Variants in CERKL observed in about 807,000 individuals in gnomAD.
CERKL encodes the protein ceramide kinase-like protein.
CERKL carries 61 observed loss-of-function variants against 63.4 expected under a neutral mutation model. The ratio of observed to expected loss-of-function variants is 0.96; its 90% CI spans 0.78 to 1.19. CERKL has a LOEUF of 1.19. Among genes scored for constraint, CERKL ranks in the 50% most tolerant of loss-of-function variants. The pLI is 0.00. For synonymous variants in CERKL, 250 were observed against 230.5 expected, an observed-to-expected ratio of 1.08 and a Z score of -0.77; for missense variants, 675 against 655.5, an observed-to-expected ratio of 1.03 and a Z score of -0.33.
intron 1 of CERKL, among the ~76,000 whole-genome samples, chr2:181,623,295 T>G (rs1686536180): frequency 6.6e-6 from 1 of 152,162 alleles, no homozygotes; most frequent in South Asian, 2.1e-4. Flanking sequence ...TAACTTGAAG[T>G]TACAGGCCAA....
At chr2:181,596,005 A>G (rs901827365) in intron 2 of CERKL, among the ~76,000 whole-genome samples, 1 of 152,178 alleles carries the variant, frequency 6.6e-6, no homozygotes, top group Non-Finnish European at 1.5e-5. Context: ...ATGTTAACTT[A>G]TTTAACAGCA....
chr2:181,656,251 C>A (rs545594232), intron 1 of CERKL, among the ~76,000 whole-genome samples: 1 of 152,238 alleles, frequency 6.6e-6, no homozygotes, highest in South Asian at 2.1e-4. Context: ...CAGAAAAAAA[C>A]CCAGAAACAC....
At chr2:181,615,396 C>T (rs954745458) in intron 1 of CERKL, among the ~76,000 whole-genome samples, 9 of 152,230 alleles carry the variant, frequency 5.9e-5, no homozygotes, top group Admixed American at 3.9e-4. Flanking sequence ...CTGTAAGCCT[C>T]GGGCTTGTCT....
chr2:181,654,923 T>C (rs1688094762), intron 1 of CERKL, among the ~76,000 whole-genome samples: 1 of 152,160 alleles, frequency 6.6e-6, no homozygotes, highest in Non-Finnish European at 1.5e-5. Flanking sequence ...TAGCTGGGAT[T>C]ACAGGGACAC....
At chr2:181,639,404 T>C (rs530705472) in intron 1 of CERKL, among the ~76,000 whole-genome samples, 2 of 152,278 alleles carry the variant, frequency 1.3e-5, no homozygotes, top group Admixed American at 1.3e-4. Context: ...TTCCTACATT[T>C]GGGTATGTTT....
chr2:181,589,436 T>G (rs1002398119), intron 2 of CERKL, among the ~76,000 whole-genome samples: 1 of 152,240 alleles, frequency 6.6e-6, no homozygotes, highest in Non-Finnish European at 1.5e-5. Flanking sequence ...GTAATATTAT[T>G]GCCAGACCAA....
At chr2:181,562,782 T>C (rs769327) in intron 4 of CERKL, among the ~76,000 whole-genome samples, 2 of 151,832 alleles carry the variant, frequency 1.3e-5, no homozygotes, top group African/African-American at 2.4e-5. Context: ...CCATCATCTA[T>C]GAAATGTTCA....
intron 1 of CERKL, among the ~76,000 whole-genome samples, chr2:181,632,638 T>C (rs1211021540): frequency 6.6e-6 from 1 of 152,212 alleles, no homozygotes; most frequent in Non-Finnish European, 1.5e-5. Context: ...CAAACAAGTA[T>C]AGGCAGTAGT....
In CERKL at chr2:181,649,735, A is replaced by C. The variant is rs377200066; in HGVS notation, c.238+7034T>G. The C allele has an allele frequency of 5.9e-5, 9 of 152,298 alleles. No individual in the cohort carries two copies. In the South Asian group the frequency reaches 1.5e-3, roughly 25 times the overall value. The allele number at this position is 152,298 out of a possible 1,614,324, so 9.4% of individuals were successfully genotyped here. A position where few individuals can be genotyped will look rare whatever the true frequency, so the allele number is the denominator to read the frequency against. ...TATCTTTACTGACCACAGCGTTATA[A>C]TACTAGAAATCAGGCCAGGTGCAGT... On this transcript the variant is annotated intron_variant, in intron 1 of 12. Transcript: ENST00000410087.
intron 1 of CERKL, among the ~76,000 whole-genome samples, chr2:181,625,596 T>C (rs1166234868): frequency 6.6e-6 from 1 of 152,188 alleles, no homozygotes. Context: ...ACCATATAAA[T>C]AAACAAATAT....
chr2:181,598,296 T>A (rs1685305273), intron 2 of CERKL, among the ~76,000 whole-genome samples: 2 of 152,104 alleles, frequency 1.3e-5, no homozygotes, highest in Admixed American at 6.5e-5. Flanking sequence ...ACCATTTTGG[T>A]GGTTGCCTTC....
At chr2:181,570,769 T>A (rs940225678) in intron 3 of CERKL, among the ~76,000 whole-genome samples, 2 of 152,162 alleles carry the variant, frequency 1.3e-5, no homozygotes, top group African/African-American at 4.8e-5. Context: ...TATGAAAAAA[T>A]TACAGTACCT....
intron 2 of CERKL, among the ~76,000 whole-genome samples, chr2:181,597,699 G>C (rs1054251018): frequency 6.6e-6 from 1 of 152,302 alleles, no homozygotes; most frequent in Admixed American, 6.5e-5. Context: ...AAACTGAGAT[G>C]GTGGTCACCA....
Position 181,537,110 on chromosome 2 carries a change from CATTT to C in CERKL, c.*1070_*1073del, listed in dbSNP as rs1687163362. On this transcript the variant is annotated 3_prime_UTR_variant, in exon 13 of 13. Transcript: ENST00000410087. ...GTATACACAGGAATAAACTTTATGA[CATTT>C]ATGTATTTTTAAAAAACTTTGTATC... The C allele has an allele frequency of 2.2e-6, 1 of 452,658 alleles. No individual in the cohort carries two copies. Among genetic ancestry groups the C allele is most frequent in the Admixed American group, 2.4e-5 (1 of 42,230 alleles). 28.0% of individuals were successfully genotyped at this position (452,658 alleles called of 1,614,324 possible). A position where few individuals can be genotyped will look rare whatever the true frequency, so the allele number is the denominator to read the frequency against.
intron 1 of CERKL, among the ~76,000 whole-genome samples, chr2:181,647,461 C>A (rs1371380385): frequency 2.0e-5 from 3 of 152,134 alleles, no homozygotes; most frequent in African/African-American, 7.2e-5. Context: ...AACTATACCA[C>A]CATCAAAAAC....
In CERKL at chr2:181,590,471, GA is replaced by G. The variant is rs556780409; in HGVS notation, c.481+13365del. On this transcript the variant is annotated intron_variant, in intron 2 of 12. Coordinates refer to ENST00000410087, the MANE Select transcript of CERKL (RefSeq NM_201548.5). ...AAGGTTTTAATTAAAAACTTTTCAT[GA>G]AAAAAAAATCGTTATAAGAGAAAAG... Among the ~76,000 whole-genome samples the G allele has an allele frequency of 8.5e-3, 1,263 of 148,908 alleles. 15 individuals are homozygous for G. The highest frequency in any genetic ancestry group is 0.026 in the African/African-American group (1,058 of 40,062).
intron 7 of CERKL, 31 bp downstream of exon 7, chr2:181,548,649 A>G (rs2105803663): frequency 6.2e-7 from 1 of 1,612,864 alleles, no homozygotes; most frequent in South Asian, 1.1e-5. Flanking sequence ...TGAACCTGGG[A>G]TACAATTTTT....
intron 1 of CERKL, among the ~76,000 whole-genome samples, chr2:181,650,858 T>G (rs1687902016): frequency 6.6e-6 from 1 of 151,520 alleles, no homozygotes; most frequent in African/African-American, 2.4e-5. Flanking sequence ...ATAAATGAAA[T>G]AGAGACTAAA....
At chr2:181,656,622 G>C (rs995199524) in intron 1 of CERKL, 147 bp downstream of exon 1, 9 of 685,334 alleles carry the variant, frequency 1.3e-5, no homozygotes, top group Middle Eastern at 8.3e-4. Flanking sequence ...TTGGGGACTC[G>C]GTAACCTGTC....
Sources: gnomAD v4.1 joint callset for allele counts (sites outside exome capture counted in the v4.1 genomes callset) on GRCh38, gnomAD v4.1.1 for gene constraint, MANE v1.5 for transcripts, NCBI Gene and HGNC (gene_info 2026-07-23, HGNC 2026-07-21) for gene names.